Variants in CDH18 observed in about 807,000 individuals in gnomAD.
The protein encoded by CDH18 is cadherin 18.
In CDH18, 31 loss-of-function variants were observed where a neutral mutation model predicts 67.9. The observed-to-expected ratio is 0.46, with a 90% CI of 0.34 to 0.62. The LOEUF is 0.62. CDH18 is among the 20% of genes least tolerant of loss of function. The probability of loss-of-function intolerance (pLI) is 0.01; values close to 1 mark genes in which losing one functional copy is unlikely to be tolerated. For synonymous variants in CDH18, 362 were observed against 347.2 expected (o/e 1.04, Z -0.48); for missense variants, 890 against 975.5 (o/e 0.91, Z 1.17).
At chr5:19,983,521 A>G (rs1398819046) in intron 1 of CDH18, among the ~76,000 whole-genome samples, 2 of 152,214 alleles carry the variant, frequency 1.3e-5, no homozygotes, top group African/African-American at 2.4e-5. Context: ...CGTTGATTAA[A>G]GCAAATATTT....
At position 19,520,662 on chromosome 5, in the gene CDH18, C is replaced by T. The variant is rs750763556; in HGVS notation, c.1507G>A (p.Gly503Ser). Residue 503 changes from glycine to serine, a missense_variant, in exon 10 of 13, where the codon GGC (glycine) becomes AGC (serine). By Grantham distance (56) the Gly-to-Ser change is moderately conservative. Transcript: ENST00000382275. ...GAAGGAAACAATTAACTTACCTGGCCAGGCTTAGAATTTTCACATACAATA... is the reference window on the plus strand; with the variant it reads ...GAAGGAAACAATTAACTTACCTGGCTAGGCTTAGAATTTTCACATACAATA... ...DIIVCENSKP[G>S]QVIHTISATD... 1 of 1,608,510 alleles carries T rather than the reference C, an allele frequency of 6.2e-7. No individual in the cohort carries two copies. Among genetic ancestry groups the T allele is most frequent in the East Asian group, 2.2e-5 (1 of 44,506 alleles).
chr5:19,805,092 G>A (rs62355777), intron 3 of CDH18, among the ~76,000 whole-genome samples: 8,893 of 151,692 alleles, frequency 0.059, 328 homozygotes, highest in Non-Finnish European at 0.076. Flanking sequence ...GACTACAGGC[G>A]TACACCACCA....
In CDH18 at chr5:20,059,973, CG is replaced by C. The variant is rs1554085337; in HGVS notation, c.-517-67960del. 4.6e-5 allele frequency among the ~76,000 whole-genome samples: 4 copies of C among 87,378 alleles called. No individual in the cohort carries two copies. The East Asian group carries it at 1.1e-3, about 23-fold the overall frequency. The allele number at this position is 87,378 out of a possible 152,430, so 57.3% of individuals were successfully genotyped here. On this transcript the variant is annotated intron_variant, in intron 2 of 14. Coordinates refer to the CDH18 transcript ENST00000507958. ...GGGAACATCACACACTGGGGCTTGT[CG>C]GGGGCTGGGGGGCTAGGGGAGGGAT...
intron 3 of CDH18, among the ~76,000 whole-genome samples, chr5:19,776,455 TGAA>T (rs1774391574): frequency 6.6e-6 from 1 of 152,004 alleles, no homozygotes; most frequent in South Asian, 2.1e-4. Flanking sequence ...CACTCAGTAT[TGAA>T]GAAAGAGGAG....
chr5:19,691,618 A>G (rs907028000), intron 5 of CDH18, among the ~76,000 whole-genome samples: 3 of 151,954 alleles, frequency 2.0e-5, no homozygotes, highest in African/African-American at 4.8e-5. Context: ...AGAAATTAAA[A>G]AGCTAGTCTC....
intron 5 of CDH18, among the ~76,000 whole-genome samples, chr5:19,642,866 A>C (rs1440750478): frequency 1.3e-5 from 2 of 152,104 alleles, no homozygotes; most frequent in Non-Finnish European, 2.9e-5. Context: ...TAAAACAATA[A>C]AGAGAATGAA....
rs372246318 is a variant in CDH18 at position 19,755,045 on chromosome 5, A to G, written c.229-7809T>C. On this transcript the variant is annotated intron_variant, in intron 3 of 12. Transcript: ENST00000382275. ...GGAAATTTCATAGCCCTAAATGCCT[A>G]CATCAAAAAGACTGAAAGAGCACAA... Among the ~76,000 whole-genome samples, 35 of 152,108 alleles carry G rather than the reference A, an allele frequency of 2.3e-4. 1 individual carries two copies. The highest frequency in any genetic ancestry group is 8.2e-4 in the African/African-American group (34 of 41,524).
chr5:19,961,903 A>G (rs975180568), intron 2 of CDH18, among the ~76,000 whole-genome samples: 4 of 151,336 alleles, frequency 2.6e-5, no homozygotes, highest in Non-Finnish European at 5.9e-5. Flanking sequence ...TATTTTTTTT[A>G]CTTCTAAGTT....
chr5:20,490,375 T>C (rs1337573551), intron 1 of CDH18, among the ~76,000 whole-genome samples: 6 of 152,086 alleles, frequency 3.9e-5, no homozygotes, highest in African/African-American at 1.4e-4. Context: ...AATGAGACAA[T>C]GCTGGGGTTT....
At position 20,304,901 on chromosome 5, in the gene CDH18, T is replaced by C. The variant is rs190340009; in HGVS notation, c.-579-49396A>G. On this transcript the variant is annotated intron_variant, in intron 1 of 14. Transcript: ENST00000507958. ...TTCTCATAGTCTTTAAAGATAGGTG[T>C]CAGATCACAGAGGGGGTTTGTATTC... 2.3e-4 allele frequency: 377 copies of C among 1,612,500 alleles called. 2 individuals are homozygous for C. In the East Asian group the frequency reaches 5.7e-3, roughly 25 times the overall value.
intron 2 of CDH18, among the ~76,000 whole-genome samples, chr5:20,067,912 AG>A (rs1743123778): frequency 6.6e-6 from 1 of 152,044 alleles, no homozygotes; most frequent in Non-Finnish European, 1.5e-5. Context: ...GTTTCGTGCC[AG>A]GGTTTGAAAC....
At chr5:19,985,034 A>T (rs942356046) in intron 1 of CDH18, among the ~76,000 whole-genome samples, 1 of 152,260 alleles carries the variant, frequency 6.6e-6, no homozygotes, top group African/African-American at 2.4e-5. Context: ...TTATTTATTT[A>T]TTATTTATAT....
chr5:19,664,601 G>A (rs1757646571), intron 5 of CDH18, among the ~76,000 whole-genome samples: 3 of 644 alleles, frequency 4.7e-3, no homozygotes, highest in South Asian at 0.25. Context: ...ATGCAAAGAC[G>A]TTAAAATATT....
chr5:19,488,059 G>T lies in CDH18; in HGVS notation c.1631-4507C>A, dbSNP rs971742898. On this transcript the variant is annotated intron_variant, in intron 11 of 12. Transcript: ENST00000382275. Reference sequence around the variant, plus strand: ...ACAAGTCACATGCTTCTGGAGATCAGATGTAGTTTTCTTGAGCTACTATTA... The same window carrying T: ...ACAAGTCACATGCTTCTGGAGATCATATGTAGTTTTCTTGAGCTACTATTA... Among the ~76,000 whole-genome samples the T allele has an allele frequency of 4.6e-5, 7 of 152,108 alleles. No homozygotes were observed. The East Asian group carries it at 1.2e-3, about 25-fold the overall frequency.
chr5:20,062,970 C>A (rs944707122), intron 2 of CDH18, among the ~76,000 whole-genome samples: 9 of 142,354 alleles, frequency 6.3e-5, no homozygotes, highest in African/African-American at 2.3e-4. Flanking sequence ...GCATTTAGTC[C>A]AATATGCTTC....
rs76681984 is a variant in CDH18, at chr5:20,101,514, A to G, written c.-517-109500T>C. Among the ~76,000 whole-genome samples, 43 of 152,306 alleles carry G rather than the reference A, an allele frequency of 2.8e-4. No individual in the cohort carries two copies. In the East Asian group the frequency reaches 8.1e-3, roughly 29 times the overall value. On this transcript the variant is annotated intron_variant, in intron 2 of 14. Transcript: ENST00000507958. ...GCCATGGGCTGACTTGAAGATGCAT[A>G]AGAAACGCTGCTAATTTCCACTATT...
chr5:20,056,504 T>G (rs1362753918), intron 2 of CDH18, among the ~76,000 whole-genome samples: 1 of 111,542 alleles, frequency 9.0e-6, no homozygotes, highest in African/African-American at 3.6e-5. Flanking sequence ...TTTTTTTTTT[T>G]GCAGGGAAAG....
intron 3 of CDH18, among the ~76,000 whole-genome samples, chr5:19,782,329 A>C (rs1332339723): frequency 6.6e-6 from 1 of 152,078 alleles, no homozygotes; most frequent in Non-Finnish European, 1.5e-5. Flanking sequence ...GCATGGGAGA[A>C]AACAGCCCCA....
At chr5:20,153,258 G>C (rs544609022) in intron 2 of CDH18, among the ~76,000 whole-genome samples, 19 of 151,974 alleles carry the variant, frequency 1.3e-4, no homozygotes, top group Non-Finnish European at 2.1e-4. Flanking sequence ...TGAATCAGAG[G>C]TTTCTAAAAT....
Sources: allele counts gnomAD v4.1 joint callset (sites outside exome capture counted in the v4.1 genomes callset), GRCh38; gene constraint gnomAD v4.1.1; transcripts MANE v1.5; gene names NCBI Gene and HGNC (gene_info 2026-07-23, HGNC 2026-07-21).